The following UBE2D2 variants were observed in gnomAD, a reference collection of about 807,000 sequenced individuals.
The protein encoded by UBE2D2 is ubiquitin conjugating enzyme E2 D2.
Under a neutral mutation model 24.2 loss-of-function variants are expected in UBE2D2, and 2 were observed. The ratio of observed to expected loss-of-function variants is 0.08; its 90% CI spans 0.03 to 0.26. UBE2D2 has a LOEUF of 0.26. Among genes scored for constraint, UBE2D2 ranks in the 10% least tolerant of loss-of-function variants. The pLI, the probability that UBE2D2 is intolerant of heterozygous loss-of-function variation, is 1.00. For missense variants in UBE2D2, 44 were observed against 177.6 expected (o/e 0.25, Z 4.28); for synonymous variants, 58 against 56.5 (o/e 1.03, Z -0.12).
At chr5:139,563,020 C>G (rs530130525) in intron 1 of UBE2D2, among the ~76,000 whole-genome samples, 4 of 152,252 alleles carry the variant, frequency 2.6e-5, no homozygotes, top group Admixed American at 2.0e-4. Context: ...TCAAGCTAGC[C>G]TCCTGTCTCT....
rs1356836844 is a variant in UBE2D2, at chr5:139,527,484, T to A, written c.-64+872T>A. On this transcript the variant is annotated intron_variant, in intron 1 of 6. Transcript: ENST00000511725. ...CAACAAAAGTGAAGTTTGCTAAAAG[T>A]TAACAGTGTAACATGTATTATGGTA... Among the ~76,000 whole-genome samples, 3 of 152,230 alleles carry A rather than the reference T, an allele frequency of 2.0e-5. No homozygotes were observed. In the East Asian group the frequency reaches 5.8e-4, roughly 29 times the overall value.
At chr5:139,605,886 A>G (rs1754189625) in intron 2 of UBE2D2, among the ~76,000 whole-genome samples, 1 of 151,030 alleles carries the variant, frequency 6.6e-6, no homozygotes, top group African/African-American at 2.4e-5. Flanking sequence ...CTATGGGTAC[A>G]TGCCCCTACA....
intron 1 of UBE2D2, among the ~76,000 whole-genome samples, chr5:139,533,243 G>C (rs1473135711): frequency 6.6e-6 from 1 of 151,952 alleles, no homozygotes. Flanking sequence ...GAGTGCAGTG[G>C]TGCAATCTCA....
intron 2 of UBE2D2, among the ~76,000 whole-genome samples, chr5:139,603,331 G>A (rs1360371822): frequency 1.3e-5 from 2 of 152,090 alleles, no homozygotes; most frequent in Admixed American, 6.6e-5. Context: ...TTGAAAAATT[G>A]TTCCCTTTGG....
At chr5:139,571,406 C>CAAAAA (rs549829203) in intron 1 of UBE2D2, among the ~76,000 whole-genome samples, 2 of 88,180 alleles carry the variant, frequency 2.3e-5, no homozygotes, top group Non-Finnish European at 4.6e-5. Context: ...GACTCCCTCT[C>CAAAAA]AAAAAAAAAA....
intron 1 of UBE2D2, among the ~76,000 whole-genome samples, chr5:139,571,566 A>G (rs1194285037): frequency 6.6e-6 from 1 of 152,170 alleles, no homozygotes; most frequent in Non-Finnish European, 1.5e-5. Context: ...CTAACATTAT[A>G]TGGTTATGGT....
At chr5:139,623,279 T>C in intron 5 of UBE2D2, 89 bp from the exon 6 acceptor site, 1 of 857,540 alleles carries the variant, frequency 1.2e-6, no homozygotes, top group Non-Finnish European at 1.8e-6. Flanking sequence ...GTATAAATTC[T>C]TAGAATTTTC....
chr5:139,562,133 G>C, intron 1 of UBE2D2: 1 of 1,192,494 alleles, frequency 8.4e-7, no homozygotes, highest in Non-Finnish European at 1.1e-6. Flanking sequence ...GTCGGGCCAG[G>C]ATGGCGGGGT....
At chr5:139,549,455 G>A (rs796836115) in intron 1 of UBE2D2, among the ~76,000 whole-genome samples, 128 of 152,344 alleles carry the variant, frequency 8.4e-4, no homozygotes, top group African/African-American at 2.7e-3. Context: ...GGCTGGCGCC[G>A]TGGGCCCAGG....
chr5:139,527,624 G>A (rs1752556698), intron 1 of UBE2D2, among the ~76,000 whole-genome samples: 1 of 152,094 alleles, frequency 6.6e-6, no homozygotes, highest in African/African-American at 2.4e-5. Context: ...TATATAAAAA[G>A]AGTTATATGA....
intron 1 of UBE2D2, among the ~76,000 whole-genome samples, chr5:139,567,659 G>A (rs1318419233): frequency 1.3e-5 from 2 of 148,562 alleles, no homozygotes; most frequent in East Asian, 2.0e-4. Flanking sequence ...TCAGTCTCCC[G>A]AGTAGCTGGG....
intron 6 of UBE2D2, among the ~76,000 whole-genome samples, chr5:139,626,117 A>T (rs1276157366): frequency 1.3e-5 from 2 of 151,006 alleles, no homozygotes; most frequent in African/African-American, 4.9e-5. Context: ...CACCCAGGCT[A>T]TGGTACAGTA....
intron 1 of UBE2D2, among the ~76,000 whole-genome samples, chr5:139,599,833 T>A (rs1217035088): frequency 2.0e-5 from 3 of 152,028 alleles, no homozygotes; most frequent in African/African-American, 7.2e-5. Context: ...AAATGGAGTC[T>A]CGCTCTATCA....
At chr5:139,567,156 G>A (rs1753242706) in intron 1 of UBE2D2, among the ~76,000 whole-genome samples, 1 of 152,152 alleles carries the variant, frequency 6.6e-6, no homozygotes, top group South Asian at 2.1e-4. Context: ...CTGGAGTGCA[G>A]TGGCATGATC....
At chr5:139,572,009 C>T (rs1192318900) in intron 1 of UBE2D2, among the ~76,000 whole-genome samples, 1 of 151,714 alleles carries the variant, frequency 6.6e-6, no homozygotes, top group Non-Finnish European at 1.5e-5. Flanking sequence ...CTTTATCCTT[C>T]CCATCTCTGA....
At chr5:139,626,146 G>T (rs1189825543) in intron 6 of UBE2D2, among the ~76,000 whole-genome samples, 1 of 151,456 alleles carries the variant, frequency 6.6e-6, no homozygotes, top group Non-Finnish European at 1.5e-5. Context: ...TCAGCTCACT[G>T]CAACCTCTGC....
At position 139,610,937 on chromosome 5, in the gene UBE2D2, C is replaced by A. The variant is rs141763836; in HGVS notation, c.89-3649C>A. On this transcript the variant is annotated intron_variant, in intron 2 of 6. Transcript: ENST00000398733. ...GGACAAGAGTTTAGAAAGTTTCTTT[C>A]ACTCTTTTACAGAGTATTGGTTGAA... Among the ~76,000 whole-genome samples the A allele has an allele frequency of 3.9e-5, 6 of 152,190 alleles. No individual in the cohort carries two copies. In the East Asian group the frequency reaches 1.2e-3, roughly 29 times the overall value.
intron 1 of UBE2D2, among the ~76,000 whole-genome samples, chr5:139,547,240 G>C (rs1289260492): frequency 6.6e-6 from 1 of 151,942 alleles, no homozygotes; most frequent in Non-Finnish European, 1.5e-5. Flanking sequence ...GCAGTGAGCT[G>C]AGATCGCACC....
At chr5:139,570,574 T>C (rs1187918099) in intron 1 of UBE2D2, among the ~76,000 whole-genome samples, 1 of 151,420 alleles carries the variant, frequency 6.6e-6, no homozygotes, top group African/African-American at 2.4e-5. Flanking sequence ...TGCAGTTGTG[T>C]GATCTCGGCT....
Sources: gnomAD v4.1 joint callset for allele counts (sites outside exome capture counted in the v4.1 genomes callset) on GRCh38, gnomAD v4.1.1 for gene constraint, MANE v1.5 for transcripts, NCBI Gene and HGNC (gene_info 2026-07-23, HGNC 2026-07-21) for gene names.